BCLAF1: variants seen among roughly 807,000 people sequenced by gnomAD.
BCLAF1 encodes the protein bcl-2-associated transcription factor 1.
In BCLAF1, 10 loss-of-function variants were observed where a neutral mutation model predicts 99.5. The ratio of observed to expected loss-of-function variants is 0.10; its 90% confidence interval spans 0.06 to 0.17. The LOEUF is 0.17. BCLAF1 is among the 10% of genes least tolerant of loss of function. The pLI is 1.00. For synonymous variants in BCLAF1, 255 were observed against 370.9 expected (o/e 0.69, Z 3.59); for missense variants, 636 against 1,105.8 (o/e 0.58, Z 6.02).
Position 136,261,429 on chromosome 6 carries a change from C to T in BCLAF1, c.2593G>A (p.Gly865Ser). The T allele has an allele frequency of 1.2e-6, 2 of 1,613,784 alleles. No individual in the cohort carries two copies. ...GVDYWAKRGR[G>S]RGTFQRGRGR... is the part of the protein sequence containing the mutation. ...CTGCCACGTTGAAAAGTACCACGAC[C>T]TCTTCCTCTTTTGGCCCAATAATCC... Residue 865 changes from glycine to serine, a missense_variant, in exon 12 of 13, where the codon GGT (glycine) becomes AGT (serine). Gly to Ser is a moderately conservative substitution (Grantham distance 56). Coordinates refer to ENST00000531224, the MANE Select transcript of BCLAF1 (RefSeq NM_014739.3).
At chr6:136,276,529 G>A (rs372674312) in intron 4 of BCLAF1, 21 bp from the exon 5 acceptor site, 1 of 1,567,462 alleles carries the variant, frequency 6.4e-7, no homozygotes, top group Non-Finnish European at 8.6e-7. Flanking sequence ...GCAAAGAAGA[G>A]GATAGTAACT....
intron 2 of BCLAF1, among the ~76,000 whole-genome samples, chr6:136,281,904 C>G (rs1343424428): frequency 2.0e-5 from 3 of 152,166 alleles, no homozygotes; most frequent in Non-Finnish European, 1.5e-5. Context: ...TTTTTTAAAG[C>G]AGCAAGTTCA....
At chr6:136,269,220 ATT>A in intron 9 of BCLAF1, 9 of 1,349,898 alleles carry the variant, frequency 6.7e-6, no homozygotes, top group Admixed American at 5.4e-5. Context: ...TTAATTTGTC[ATT>A]TTTTTTTTCA....
intron 1 of BCLAF1, among the ~76,000 whole-genome samples, chr6:136,284,089 C>CTAATTTATA (rs1488033855): frequency 7.1e-6 from 1 of 141,718 alleles, no homozygotes; most frequent in East Asian, 2.0e-4. Context: ...TTCCAAAAGG[C>CTAATTTATA]TAATTTATAT....
At position 136,277,910 on chromosome 6, in the gene BCLAF1, T is replaced by C; in HGVS notation, c.971A>G (p.Asp324Gly). 6.3e-7 allele frequency: 1 copy of C among 1,590,886 alleles called. No individual in the cohort carries two copies. The stretch of plus-strand genomic sequence containing the variant: ...CTTTGCAGTTTCCTGATCTCCACCA[T>C]CAGGATAAAACGAGGAACGGCCCCT... ...ESRGRSSFYP[D>G]GGDQETAKTG... Residue 324 changes from aspartate (D) to glycine (G), a missense_variant, in exon 4 of 13, where the codon GAT (aspartate) becomes GGT (glycine). Physicochemically the swap from Asp to Gly is moderately conservative, Grantham distance 94. Transcript: ENST00000531224.
chr6:136,262,399 G>C (rs1431754129), intron 11 of BCLAF1, among the ~76,000 whole-genome samples: 1 of 152,272 alleles, frequency 6.6e-6, no homozygotes, highest in South Asian at 2.1e-4. Flanking sequence ...TAGAGTACCA[G>C]TAGTGAGCAA....
Position 136,259,122 on chromosome 6 carries a change from A to G in BCLAF1, c.*1988T>C, listed in dbSNP as rs1780671665. 6.6e-6 allele frequency: 1 copy of G among 152,064 alleles called. No homozygotes were observed. The highest frequency in any genetic ancestry group is 1.5e-5 in the Non-Finnish European group (1 of 67,888). The allele number at this position is 152,064 out of a possible 1,614,324, so 9.4% of individuals were successfully genotyped here. On this transcript the variant is annotated 3_prime_UTR_variant, in exon 13 of 13. Coordinates refer to ENST00000531224, the MANE Select transcript of BCLAF1 (RefSeq NM_014739.3). ...GTAACATCCACAATGACATTCTATT[A>G]CAGAGTTCTTACAATCACCCTAGCC...
Position 136,257,979 on chromosome 6 carries a change from G to C in BCLAF1, c.*3131C>G, listed in dbSNP as rs1446279440. 1.3e-5 allele frequency: 2 copies of C among 152,060 alleles called. No individual in the cohort carries two copies. Among genetic ancestry groups the C allele is most frequent in the African/African-American group, 4.8e-5 (2 of 41,432 alleles). The allele number at this position is 152,060 out of a possible 1,614,324, so 9.4% of individuals were successfully genotyped here. On this transcript the variant is annotated 3_prime_UTR_variant, in exon 13 of 13. Coordinates refer to ENST00000531224, the MANE Select transcript of BCLAF1 (RefSeq NM_014739.3). The stretch of plus-strand genomic sequence containing the variant: ...TATCCAGTATAATTAAGCTACCAAT[G>C]ATCTTACACAACACTTTACATGCAT...
chr6:136,264,427 G>C (rs1184445128), intron 11 of BCLAF1, among the ~76,000 whole-genome samples: 1 of 152,040 alleles, frequency 6.6e-6, no homozygotes, highest in Non-Finnish European at 1.5e-5. Context: ...GGCTGTTCTT[G>C]AACTCCTGAC....
chr6:136,283,784 G>A (rs918883569), intron 1 of BCLAF1, among the ~76,000 whole-genome samples: 1 of 152,102 alleles, frequency 6.6e-6, no homozygotes, highest in African/African-American at 2.4e-5. Context: ...CCCTCCAACT[G>A]GGGAGAGATT....
At chr6:136,267,329 T>A (rs1038234324) in intron 10 of BCLAF1, among the ~76,000 whole-genome samples, 154 bp from the exon 11 acceptor site, 4 of 152,020 alleles carry the variant, frequency 2.6e-5, no homozygotes, top group African/African-American at 9.7e-5. Flanking sequence ...CCATTTTATA[T>A]CATAGGCAAA....
intron 9 of BCLAF1, 146 bp from the exon 10 acceptor site, chr6:136,268,485 GAC>G (rs1323462591): frequency 1.3e-6 from 1 of 743,996 alleles, no homozygotes; most frequent in Non-Finnish European, 2.2e-6. Flanking sequence ...GTTAAACTTT[GAC>G]ACAGTCTGTT....
At chr6:136,267,748 C>A (rs1781923521) in intron 10 of BCLAF1, among the ~76,000 whole-genome samples, 4 of 151,844 alleles carry the variant, frequency 2.6e-5, no homozygotes, top group Admixed American at 2.6e-4. Flanking sequence ...ATGATTGATA[C>A]CCATATAAGC....
chr6:136,257,070 A>T lies in BCLAF1; in HGVS notation c.*4040T>A, dbSNP rs1012023186. 2 of 152,220 alleles carry T rather than the reference A, an allele frequency of 1.3e-5. No homozygotes were observed. Among genetic ancestry groups the T allele is most frequent in the East Asian group, 3.8e-4 (2 of 5,202 alleles). 9.4% of individuals were successfully genotyped at this position (152,220 alleles called of 1,614,324 possible). ...TCTGGAAGCTGGCCAACCCCAAAAG[A>T]TTAAGAAAAATTCGATGTATATTCT... is the stretch of plus-strand genomic sequence containing the variant. On this transcript the variant is annotated 3_prime_UTR_variant, in exon 13 of 13. Transcript: ENST00000531224.
At chr6:136,261,665 A>G (rs1781021605) in intron 11 of BCLAF1, among the ~76,000 whole-genome samples, 188 bp from the exon 12 acceptor site, 1 of 152,156 alleles carries the variant, frequency 6.6e-6, no homozygotes, top group Non-Finnish European at 1.5e-5. Flanking sequence ...CATCAAGAGA[A>G]TAACTACATC....
At chr6:136,283,754 G>A (rs1308244354) in intron 1 of BCLAF1, among the ~76,000 whole-genome samples, 1 of 152,112 alleles carries the variant, frequency 6.6e-6, no homozygotes, top group Non-Finnish European at 1.5e-5. Context: ...CAAGAATAGC[G>A]TCTCCTAAAA....
chr6:136,284,120 G>A lies in BCLAF1; in HGVS notation c.-114-1433C>T, dbSNP rs973927375. Among the ~76,000 whole-genome samples, 56 of 84,988 alleles carry A rather than the reference G, an allele frequency of 6.6e-4. 1 individual carries two copies. The highest frequency in any genetic ancestry group is 4.9e-3 in the Middle Eastern group (1 of 204). 55.8% of individuals were successfully genotyped at this position (84,988 alleles called of 152,430 possible). ...TATATATATATATACATATATATGTGTGTGTGTGTGTATATATATATATAT... is the reference window on the plus strand; with the variant it reads ...TATATATATATATACATATATATGTATGTGTGTGTGTATATATATATATAT... On this transcript the variant is annotated intron_variant, in intron 1 of 12. Coordinates refer to ENST00000531224, the MANE Select transcript of BCLAF1 (RefSeq NM_014739.3).
chr6:136,274,850 A>T (rs543771286), intron 6 of BCLAF1, among the ~76,000 whole-genome samples: 25 of 145,066 alleles, frequency 1.7e-4, no homozygotes, highest in East Asian at 1.2e-3. Flanking sequence ...GTAAAAATTT[A>T]AAAAAAAAAA....
At position 136,256,753 on chromosome 6, in the gene BCLAF1, G is replaced by A. The variant is rs1221594685; in HGVS notation, c.*4357C>T. On this transcript the variant is annotated 3_prime_UTR_variant, in exon 13 of 13. Transcript: ENST00000531224. ...ATTCTTTTTCACGGCCACCTTACAA[G>A]TATCCTGAGAACTCAACAGAAAGTT... The A allele has an allele frequency of 4.5e-5, 7 of 154,886 alleles. No homozygotes were observed. The highest frequency in any genetic ancestry group is 7.1e-5 in the Non-Finnish European group (5 of 70,392). 9.6% of individuals were successfully genotyped at this position (154,886 alleles called of 1,614,324 possible).
Sources: gnomAD v4.1 joint callset for allele counts (sites outside exome capture counted in the v4.1 genomes callset) on GRCh38, gnomAD v4.1.1 for gene constraint, MANE v1.5 for transcripts, NCBI Gene and HGNC (gene_info 2026-07-23, HGNC 2026-07-21) for gene names.